The following HDAC4 variants were observed in gnomAD, a reference collection of about 807,000 sequenced individuals.
The protein encoded by HDAC4 is histone deacetylase A.
Under a neutral mutation model 135.1 loss-of-function variants are expected in HDAC4, and 16 were observed. The ratio of observed to expected loss-of-function variants is 0.12; its 90% CI spans 0.08 to 0.18. The LOEUF is 0.18. HDAC4 is among the 10% of genes least tolerant of loss of function. HDAC4 has a pLI of 1.00. For synonymous variants in HDAC4, 685 were observed against 653.4 expected, an observed-to-expected ratio of 1.05 and a Z score of -0.74; for missense variants, 1,143 against 1,511.8, an observed-to-expected ratio of 0.76 and a Z score of 4.05.
At chr2:239,289,831 T>C (rs926524327) in intron 2 of HDAC4, among the ~76,000 whole-genome samples, 3 of 152,244 alleles carry the variant, frequency 2.0e-5, no homozygotes, top group Non-Finnish European at 4.4e-5. Context: ...TTCCCTACTG[T>C]ACACACTGGT....
chr2:239,150,150 G>A lies in HDAC4; in HGVS notation c.734-5436C>T, dbSNP rs568811104. 9.9e-5 allele frequency among the ~76,000 whole-genome samples: 15 copies of A among 152,150 alleles called. No individual in the cohort carries two copies. The East Asian group carries it at 2.5e-3, about 25-fold the overall frequency. On this transcript the variant is annotated intron_variant, in intron 7 of 26. Coordinates refer to ENST00000543185, the MANE Select transcript of HDAC4 (RefSeq NM_001378414.1). ...TAAAAATAAAGGTAGAGGAGAAAAC[G>A]CAAAATGGGTATTTTTGTTAACAAG... is the stretch of plus-strand genomic sequence containing the variant.
chr2:239,366,941 G>A (rs534315781), intron 1 of HDAC4, among the ~76,000 whole-genome samples: 4 of 149,192 alleles, frequency 2.7e-5, no homozygotes, highest in South Asian at 4.1e-4. Context: ...ACCCAAGCAC[G>A]CGTAGCTTCA....
In HDAC4 at chr2:239,239,951, C is replaced by T. The variant is rs533706857; in HGVS notation, c.23-3287G>A. Among the ~76,000 whole-genome samples, 8 of 152,336 alleles carry T rather than the reference C, an allele frequency of 5.3e-5. No homozygotes were observed. In the South Asian group the frequency reaches 1.2e-3, roughly 24 times the overall value. Reference sequence around the variant, plus strand: ...ACGCTAACCCCACATGTGGAGGCCCCGTGAGCCCCAGCCAGCTGGAAGCAC... The same window carrying T: ...ACGCTAACCCCACATGTGGAGGCCCTGTGAGCCCCAGCCAGCTGGAAGCAC... On this transcript the variant is annotated intron_variant, in intron 2 of 26. Coordinates refer to ENST00000543185, the MANE Select transcript of HDAC4 (RefSeq NM_001378414.1).
At chr2:239,288,651 G>A (rs1382040531) in intron 2 of HDAC4, among the ~76,000 whole-genome samples, 1 of 150,004 alleles carries the variant, frequency 6.7e-6, no homozygotes, top group East Asian at 2.0e-4. Context: ...AACTAGCAAG[G>A]GAAAACTTAA....
intron 2 of HDAC4, among the ~76,000 whole-genome samples, chr2:239,310,476 G>A (rs1192953507): frequency 6.6e-6 from 1 of 152,158 alleles, no homozygotes; most frequent in East Asian, 1.9e-4. Context: ...AGAGTGTGAT[G>A]TTCCCGGGGG....
At chr2:239,203,821 G>A (rs2045896634) in intron 3 of HDAC4, among the ~76,000 whole-genome samples, 1 of 152,158 alleles carries the variant, frequency 6.6e-6, no homozygotes, top group African/African-American at 2.4e-5. Flanking sequence ...ACACAGACAC[G>A]ACACTAAAAT....
Position 239,245,869 on chromosome 2 carries a change from C to T in HDAC4, c.23-9205G>A, listed in dbSNP as rs1489390375. On this transcript the variant is annotated intron_variant, in intron 2 of 26. Transcript: ENST00000543185. The surrounding 1 kb of genome is among the most constrained non-coding windows in gnomAD (Gnocchi z 4.4). ...CCAACAGTCTTCAGTTCATCCCCAG[C>T]CCCTATGTGTTCAAGCAGACACACA... 6.6e-6 allele frequency among the ~76,000 whole-genome samples: 1 copy of T among 152,178 alleles called. No individual in the cohort carries two copies. Among genetic ancestry groups the T allele is most frequent in the Non-Finnish European group, 1.5e-5 (1 of 68,032 alleles).
intron 6 of HDAC4, 69 bp from the exon 7 acceptor site, chr2:239,156,842 A>C (rs1405620941): frequency 4.0e-5 from 63 of 1,587,954 alleles, no homozygotes; most frequent in Non-Finnish European, 5.2e-5. Flanking sequence ...TGCAGCCGAG[A>C]AGCCACACAC....
At position 239,190,028 on chromosome 2, in the gene HDAC4, G is replaced by A. The variant is rs777999501; in HGVS notation, c.144C>T (p.Pro48=). The A allele has an allele frequency of 1.4e-5, 23 of 1,604,292 alleles. No individual in the cohort carries two copies. In the African/African-American group the frequency reaches 2.9e-4, roughly 21 times the overall value. ...LPLQVAPSAV[P]MDLRLDHQFS... is the part of the protein sequence containing the mutation. ...ACTGGTGGTCCAGGCGCAGGTCCATGGGCACTGCCGAGGGGGCCACTTGCA... is the reference window on the plus strand; with the variant it reads ...ACTGGTGGTCCAGGCGCAGGTCCATAGGCACTGCCGAGGGGGCCACTTGCA... The change falls in exon 4 of 27, where the codon CCC becomes CCT. Residue 48 remains proline, a synonymous_variant. Transcript: ENST00000543185.
intron 1 of HDAC4, among the ~76,000 whole-genome samples, chr2:239,389,423 A>G (rs1469356796): frequency 1.3e-5 from 2 of 152,218 alleles, no homozygotes; most frequent in Non-Finnish European, 2.9e-5. Context: ...CCTGCTGGAC[A>G]GAAGAAACCC....
chr2:239,117,276 T>C (rs2039222565), intron 12 of HDAC4, among the ~76,000 whole-genome samples: 3 of 152,130 alleles, frequency 2.0e-5, no homozygotes, highest in Admixed American at 1.3e-4. Flanking sequence ...GTGCACGTTC[T>C]AGAAGCATGC....
At chr2:239,369,197 G>A (rs1162111248) in intron 1 of HDAC4, among the ~76,000 whole-genome samples, 16 of 152,228 alleles carry the variant, frequency 1.1e-4, no homozygotes, top group Non-Finnish European at 1.5e-5. Context: ...CGGGAAGGAA[G>A]ACAGCAGCAC....
At chr2:239,223,812 G>A (rs2047095954) in intron 3 of HDAC4, among the ~76,000 whole-genome samples, 1 of 151,380 alleles carries the variant, frequency 6.6e-6, no homozygotes, top group African/African-American at 2.4e-5. Flanking sequence ...TTACAAAGTA[G>A]GATTTGGTAG....
At position 239,163,859 on chromosome 2, in the gene HDAC4, C is replaced by A. The variant is rs769558200; in HGVS notation, c.555G>T (p.Ala185=). The A allele has an allele frequency of 3.1e-6, 5 of 1,614,076 alleles. No homozygotes were observed. The highest frequency in any genetic ancestry group is 4.2e-6 in the Non-Finnish European group (5 of 1,179,958). ...LQEFVLNKKK[A]LAHRNLNHCI... is the part of the protein sequence containing the mutation. ...AGTGGTTCAGATTCCGGTGGGCCAG[C>A]GCCTTCTTTTTATTGAGGACAAATT... The change falls in exon 6 of 27, where the codon GCG becomes GCT. Residue 185 remains alanine, a synonymous_variant. Transcript: ENST00000543185.
intron 13 of HDAC4, among the ~76,000 whole-genome samples, chr2:239,114,476 G>A (rs1194522979): frequency 6.6e-6 from 1 of 152,234 alleles, no homozygotes; most frequent in African/African-American, 2.4e-5. Flanking sequence ...TGACTCAGAA[G>A]TTTAATGTTT....
intron 1 of HDAC4, among the ~76,000 whole-genome samples, chr2:239,384,818 TAAC>T (rs1466223179): frequency 1.3e-5 from 2 of 152,112 alleles, no homozygotes; most frequent in South Asian, 2.1e-4. Context: ...GATGACACTT[TAAC>T]AATACAACAG....
At chr2:239,194,758 C>T (rs1023569957) in intron 3 of HDAC4, among the ~76,000 whole-genome samples, 2 of 152,248 alleles carry the variant, frequency 1.3e-5, no homozygotes, top group Non-Finnish European at 2.9e-5. Context: ...CTCCTCCAGG[C>T]CCCTGCTGGG....
At chr2:239,256,540 T>C (rs536594998) in intron 2 of HDAC4, among the ~76,000 whole-genome samples, 14 of 152,380 alleles carry the variant, frequency 9.2e-5, no homozygotes, top group South Asian at 2.1e-4. Flanking sequence ...TCCTCTTTCA[T>C]AGAAGGTGTT....
chr2:239,363,606 A>G (rs900225526), intron 1 of HDAC4, among the ~76,000 whole-genome samples: 4 of 152,232 alleles, frequency 2.6e-5, no homozygotes, highest in Non-Finnish European at 5.9e-5. Flanking sequence ...TCACAGACCT[A>G]AATGTTAAAG....
Sources: allele counts gnomAD v4.1 joint callset (sites outside exome capture counted in the v4.1 genomes callset), GRCh38; gene constraint gnomAD v4.1.1; non-coding constraint Gnocchi (gnomAD v3.1); transcripts MANE v1.5; gene names NCBI Gene and HGNC (gene_info 2026-07-23, HGNC 2026-07-21).